Variants in CDYL2 observed in about 807,000 individuals in gnomAD.
CDYL2 encodes chromodomain Y-like protein 2.
In CDYL2, 23 loss-of-function variants were observed where a neutral mutation model predicts 49.4. The ratio of observed to expected loss-of-function variants is 0.47; its 90% CI spans 0.34 to 0.66. The LOEUF is 0.66. Ranked by LOEUF, CDYL2 falls within the 30% of genes least tolerant of loss-of-function variation. CDYL2 has a pLI of 0.01. For missense variants in CDYL2, 678 were observed against 656.4 expected (o/e 1.03, Z -0.36); for synonymous variants, 360 against 268.8 (o/e 1.34, Z -3.32).
At position 80,601,595 on chromosome 16, in the gene CDYL2, C is replaced by G. The variant is rs1906087259; in HGVS notation, c.*2793G>C. The stretch of plus-strand genomic sequence containing the variant: ...CTCAGGAAAGCTATTAGGATAAACC[C>G]TGACACAACCAGAGGTCTGGTATTT... On this transcript the variant is annotated 3_prime_UTR_variant, in exon 7 of 7. Transcript: ENST00000570137. 1 of 152,142 alleles carries G rather than the reference C, an allele frequency of 6.6e-6. No homozygotes were observed. The highest frequency in any genetic ancestry group is 1.9e-4 in the East Asian group (1 of 5,190). 9.4% of individuals were successfully genotyped at this position (152,142 alleles called of 1,614,324 possible).
At chr16:80,640,410 A>G (rs1394248887) in intron 2 of CDYL2, among the ~76,000 whole-genome samples, 2 of 152,148 alleles carry the variant, frequency 1.3e-5, no homozygotes, top group African/African-American at 2.4e-5. Flanking sequence ...GCCCTGAATA[A>G]CCAGCAGCAA....
chr16:80,624,173 C>T (rs577525164), intron 3 of CDYL2, among the ~76,000 whole-genome samples: 2 of 152,294 alleles, frequency 1.3e-5, no homozygotes, highest in South Asian at 4.1e-4. Context: ...AGGCAGTTGG[C>T]CAGGCTGAAA....
At chr16:80,669,608 G>C (rs576723564) in intron 2 of CDYL2, among the ~76,000 whole-genome samples, 1 of 152,250 alleles carries the variant, frequency 6.6e-6, no homozygotes, top group African/African-American at 2.4e-5. Flanking sequence ...CCAGAATTGG[G>C]AGCTAGGACA....
intron 2 of CDYL2, among the ~76,000 whole-genome samples, chr16:80,662,456 T>A (rs1489058344): frequency 1.3e-5 from 2 of 152,114 alleles, no homozygotes; most frequent in African/African-American, 4.8e-5. Context: ...GAGCAGTGCA[T>A]CTCTCTTCTG....
At chr16:80,605,015 T>C (rs1214551501) in intron 6 of CDYL2, among the ~76,000 whole-genome samples, 1 of 152,198 alleles carries the variant, frequency 6.6e-6, no homozygotes, top group Non-Finnish European at 1.5e-5. Flanking sequence ...CAGGCTACAA[T>C]GTTAGTAATC....
chr16:80,713,312 G>A (rs1008466962), intron 1 of CDYL2, among the ~76,000 whole-genome samples: 3 of 152,220 alleles, frequency 2.0e-5, no homozygotes, highest in African/African-American at 7.2e-5. Flanking sequence ...GTGCATTGTG[G>A]GAGAAGTCTG....
chr16:80,744,607 A>G (rs535381972), intron 1 of CDYL2, among the ~76,000 whole-genome samples: 1 of 152,342 alleles, frequency 6.6e-6, no homozygotes, highest in Admixed American at 6.5e-5. Flanking sequence ...AATACAGGTG[A>G]AGAAACTGAG....
chr16:80,774,267 C>G (rs1907005897), intron 1 of CDYL2, among the ~76,000 whole-genome samples: 1 of 151,912 alleles, frequency 6.6e-6, no homozygotes, highest in South Asian at 2.1e-4. Context: ...ACGGATGGAA[C>G]TGGAGAACAT....
intron 1 of CDYL2, among the ~76,000 whole-genome samples, chr16:80,769,008 C>T (rs1007077969): frequency 5.9e-5 from 9 of 152,230 alleles, no homozygotes; most frequent in African/African-American, 1.9e-4. Flanking sequence ...TATTCAAAGG[C>T]TCCCTTTTAC....
At chr16:80,636,336 T>C (rs565961308) in intron 2 of CDYL2, among the ~76,000 whole-genome samples, 2 of 152,230 alleles carry the variant, frequency 1.3e-5, no homozygotes, top group South Asian at 4.2e-4. Flanking sequence ...ATCCAGAATC[T>C]ACAAGGAACT....
At chr16:80,678,667 C>G (rs1447811043) in intron 2 of CDYL2, among the ~76,000 whole-genome samples, 1 of 148,684 alleles carries the variant, frequency 6.7e-6, no homozygotes, top group Non-Finnish European at 1.5e-5. Flanking sequence ...GTTGGTGGGA[C>G]TGTAAAGTAG....
chr16:80,646,852 C>T (rs1353378170), intron 2 of CDYL2, among the ~76,000 whole-genome samples: 1 of 151,320 alleles, frequency 6.6e-6, no homozygotes, highest in Non-Finnish European at 1.5e-5. Context: ...TGATCTGCTG[C>T]CTGTAAGAAA....
intron 2 of CDYL2, among the ~76,000 whole-genome samples, chr16:80,673,361 A>C (rs1418483430): frequency 6.6e-6 from 1 of 152,130 alleles, no homozygotes; most frequent in African/African-American, 2.4e-5. Context: ...TCAACAAGTG[A>C]ATTTAAGTCA....
intron 1 of CDYL2, among the ~76,000 whole-genome samples, chr16:80,708,953 T>C (rs977027173): frequency 6.6e-6 from 1 of 152,226 alleles, no homozygotes; most frequent in Non-Finnish European, 1.5e-5. Flanking sequence ...CAATTACCTA[T>C]CTACATTCCG....
chr16:80,769,609 A>G (rs1335452280), intron 1 of CDYL2, among the ~76,000 whole-genome samples: 3 of 152,208 alleles, frequency 2.0e-5, no homozygotes, highest in Admixed American at 1.3e-4. Flanking sequence ...GGTCATGTCA[A>G]CAGGAAGTAC....
At chr16:80,668,136 G>A (rs1175587305) in intron 2 of CDYL2, among the ~76,000 whole-genome samples, 1 of 152,250 alleles carries the variant, frequency 6.6e-6, no homozygotes, top group African/African-American at 2.4e-5. Context: ...CAGAGGAACA[G>A]TTAAGTCCCT....
At chr16:80,658,991 T>C (rs1186645971) in intron 2 of CDYL2, among the ~76,000 whole-genome samples, 7 of 152,138 alleles carry the variant, frequency 4.6e-5, no homozygotes, top group African/African-American at 1.7e-4. Flanking sequence ...ATAATGGCAG[T>C]AATAGATTAT....
intron 1 of CDYL2, among the ~76,000 whole-genome samples, chr16:80,720,834 T>C (rs995868044): frequency 2.6e-5 from 4 of 152,224 alleles, no homozygotes; most frequent in African/African-American, 4.8e-5. Context: ...TTTAAAAATA[T>C]ACCCTGAGAG....
intron 1 of CDYL2, among the ~76,000 whole-genome samples, chr16:80,768,187 A>G (rs1015402400): frequency 2.6e-5 from 4 of 152,182 alleles, no homozygotes; most frequent in African/African-American, 9.6e-5. Context: ...ACTGTGGCCA[A>G]TGAAGGGAAA....
Sources: allele counts gnomAD v4.1 joint callset (sites outside exome capture counted in the v4.1 genomes callset), GRCh38; gene constraint gnomAD v4.1.1; transcripts MANE v1.5; gene names NCBI Gene and HGNC (gene_info 2026-07-23, HGNC 2026-07-21).